Variants in MYO7B observed in about 807,000 individuals in gnomAD.
MYO7B encodes unconventional myosin-VIIb.
MYO7B carries 212 observed loss-of-function variants against 259.7 expected under a neutral mutation model. The ratio of observed to expected loss-of-function variants is 0.82; its 90% CI spans 0.73 to 0.91. MYO7B has a LOEUF of 0.91. Ranked by LOEUF, MYO7B falls within the 40% of genes least tolerant of loss-of-function variation. The pLI, the probability that MYO7B is intolerant of heterozygous loss-of-function variation, is 0.00. For synonymous variants in MYO7B, 1,197 were observed against 1,166.4 expected (o/e 1.03, Z -0.54); for missense variants, 2,732 against 2,813.5 (o/e 0.97, Z 0.66).
intron 15 of MYO7B, among the ~76,000 whole-genome samples, chr2:127,588,783 GT>G (rs1679409249): frequency 7.0e-6 from 1 of 142,610 alleles, no homozygotes. Context: ...TGGATGGGTG[GT>G]GGGTGGGTGG....
chr2:127,542,033 C>A (rs1693025541), intron 1 of MYO7B, among the ~76,000 whole-genome samples: 3 of 152,394 alleles, frequency 2.0e-5, no homozygotes, highest in African/African-American at 7.2e-5. Context: ...CATTCTTACC[C>A]TGGGCTTGCC....
At chr2:127,629,874 GTGGAGCAGTCC>G in intron 35 of MYO7B, 48 bp downstream of exon 35, 1 of 1,512,492 alleles carries the variant, frequency 6.6e-7, no homozygotes. Flanking sequence ...CGAGGTCAGG[GTGGAGCAGTCC>G]TGGGATGCCT....
rs111650987 is a variant in MYO7B at position 127,636,364 on chromosome 2, G to T, written c.6123+40G>T. The T allele has an allele frequency of 6.4e-7, 1 of 1,568,934 alleles. No individual in the cohort carries two copies. The highest frequency in any genetic ancestry group is 8.8e-7 in the Non-Finnish European group (1 of 1,140,950). ...ACGCCAGGGCCTCCTACCCAAGCAGGCTCCGCTCAGCCCAGCCCCAGCAGG... is the reference window on the plus strand; with the variant it reads ...ACGCCAGGGCCTCCTACCCAAGCAGTCTCCGCTCAGCCCAGCCCCAGCAGG... On this transcript the variant is annotated intron_variant, in intron 45 of 47. Coordinates refer to ENST00000409816, the MANE Select transcript of MYO7B (RefSeq NM_001393586.1). This position sits in a 1 kb window ranked among gnomAD's most constrained non-coding sequence, Gnocchi z 4.5.
chr2:127,612,912 G>T (rs1680441638), intron 26 of MYO7B, among the ~76,000 whole-genome samples: 1 of 152,154 alleles, frequency 6.6e-6, no homozygotes, highest in East Asian at 1.9e-4. Flanking sequence ...TACATTTTGT[G>T]CTTTATATAC....
In MYO7B at chr2:127,578,030, C is replaced by T; in HGVS notation, c.850-103C>T. 2.2e-6 allele frequency: 3 copies of T among 1,390,684 alleles called. 1 individual carries two copies. In the Admixed American group the frequency reaches 6.3e-5, roughly 29 times the overall value. The allele number at this position is 1,390,684 out of a possible 1,614,324, so 86.1% of individuals were successfully genotyped here. On this transcript the variant is annotated intron_variant, in intron 8 of 47. Transcript: ENST00000409816. Reference sequence around the variant, plus strand: ...TTTTTGAGCGTGGACCCTACGTGGTCCACCCATTGCCTATGAAGTGCAGTG... The same window carrying T: ...TTTTTGAGCGTGGACCCTACGTGGTTCACCCATTGCCTATGAAGTGCAGTG...
At chr2:127,543,754 T>TATATATA (rs199836485) in intron 1 of MYO7B, among the ~76,000 whole-genome samples, 1 of 148,568 alleles carries the variant, frequency 6.7e-6, no homozygotes, top group African/African-American at 2.5e-5. Flanking sequence ...ATATATATAT[T>TATATATA]TTTTTTTTGA....
Position 127,631,619 on chromosome 2 carries a change from C to T in MYO7B, c.5115C>T (p.Gly1705=), listed in dbSNP as rs746167642. The T allele has an allele frequency of 4.3e-6, 7 of 1,613,100 alleles. No homozygotes were observed. The highest frequency in any genetic ancestry group is 4.5e-5 in the East Asian group (2 of 44,882). ...CCACACCCATCCTCCGGTACATGGG[C>T]GACTACCCTTCTCGGCAGGCCTGGC... ...QIFVAILRYM[G]DYPSRQAWPT... The change falls in exon 38 of 48, where the codon GGC becomes GGT. Residue 1705 remains glycine, a synonymous_variant. Coordinates refer to ENST00000409816, the MANE Select transcript of MYO7B (RefSeq NM_001393586.1).
Position 127,627,470 on chromosome 2 carries a change from GC to G in MYO7B, c.4460+164del. 1.0e-6 allele frequency: 1 copy of G among 997,170 alleles called. No individual in the cohort carries two copies. Among genetic ancestry groups the G allele is most frequent in the Non-Finnish European group, 1.5e-6 (1 of 659,384 alleles). The allele number at this position is 997,170 out of a possible 1,614,324, so 61.8% of individuals were successfully genotyped here. ...TATGCGATGGCTTCTGTACTTCGGA[GC>G]CCCACCCTCCTGCACCAGGCCGTAC... On this transcript the variant is annotated intron_variant, in intron 33 of 47. Transcript: ENST00000409816. This position sits in a 1 kb window ranked among gnomAD's most constrained non-coding sequence, Gnocchi z 5.6.
intron 1 of MYO7B, among the ~76,000 whole-genome samples, chr2:127,552,676 CG>C (rs1693491116): frequency 6.6e-6 from 1 of 151,996 alleles, no homozygotes; most frequent in Admixed American, 6.6e-5. Flanking sequence ...GATGCTGCAG[CG>C]GGGAGGAGGG....
At chr2:127,593,426 G>A in intron 17 of MYO7B, 120 bp from the exon 18 acceptor site, 2 of 963,118 alleles carry the variant, frequency 2.1e-6, no homozygotes, top group Non-Finnish European at 3.1e-6. Context: ...GCCTGGGCGG[G>A]GGTGGGCGGC....
chr2:127,625,252 A>G, intron 30 of MYO7B, 116 bp from the exon 31 acceptor site: 1 of 1,259,686 alleles, frequency 7.9e-7, no homozygotes, highest in Non-Finnish European at 1.1e-6. Context: ...TGCCCGAGCC[A>G]CAGGTTAGCT....
intron 27 of MYO7B, among the ~76,000 whole-genome samples, chr2:127,620,849 C>G (rs188973287): frequency 1.8e-4 from 28 of 152,364 alleles, no homozygotes; most frequent in Admixed American, 8.5e-4. Context: ...GAAAATGGAG[C>G]TGGGTTGGCC....
chr2:127,550,971 G>T (rs1445687998), intron 1 of MYO7B, among the ~76,000 whole-genome samples: 1 of 149,452 alleles, frequency 6.7e-6, no homozygotes, highest in Non-Finnish European at 1.5e-5. Flanking sequence ...AGTTTTGGGG[G>T]TCAGAAATCT....
At chr2:127,631,787 C>T in intron 38 of MYO7B, 34 bp downstream of exon 38, 1 of 1,602,824 alleles carries the variant, frequency 6.2e-7, no homozygotes, top group Non-Finnish European at 8.5e-7. Context: ...CACGCGGGCA[C>T]CCTCAGTCCT....
Position 127,590,228 on chromosome 2 carries a change from T to C in MYO7B, c.1991T>C (p.Leu664Pro). Residue 664 changes from leucine (L) to proline (P), a missense_variant and splice_region_variant, in exon 16 of 48, where the codon CTG (leucine) becomes CCG (proline). By Grantham distance (98) the Leu-to-Pro change is moderately conservative. This residue lies in a region of MYO7B where 1,906 missense variants were observed against 2,026.4 expected (regional missense o/e 0.94). Coordinates refer to ENST00000409816, the MANE Select transcript of MYO7B (RefSeq NM_001393586.1). The surrounding 1 kb of genome is among the most constrained non-coding windows in gnomAD (Gnocchi z 4.6). ...CIKPNEYKKP[L>P]LFDRELCLRQ... is the part of the protein sequence containing the mutation. ...AAACCTAATGAGTACAAGAAGCCGC[T>C]GGTAATGACAGGAGGCTGGGGCACA... is the stretch of plus-strand genomic sequence containing the variant. The C allele has an allele frequency of 6.2e-7, 1 of 1,612,716 alleles. No homozygotes were observed. Among genetic ancestry groups the C allele is most frequent in the Non-Finnish European group, 8.5e-7 (1 of 1,179,730 alleles).
intron 38 of MYO7B, 99 bp downstream of exon 38, chr2:127,631,852 C>T (rs980909016): frequency 1.6e-5 from 23 of 1,431,202 alleles, no homozygotes; most frequent in African/African-American, 8.5e-5. Context: ...CAGCTGGTGG[C>T]GGCAGAACCC....
rs1460233067 is a variant in MYO7B at position 127,634,664 on chromosome 2, G to C, written c.5694G>C (p.Lys1898Asn). 6 of 1,612,548 alleles carry C rather than the reference G, an allele frequency of 3.7e-6. No homozygotes were observed. The highest frequency in any genetic ancestry group is 5.1e-6 in the Non-Finnish European group (6 of 1,179,300). Residue 1898 changes from lysine (K) to asparagine (N), a missense_variant, in exon 42 of 48, where the codon AAG (lysine) becomes AAC (asparagine). Transcript: ENST00000409816. The stretch of plus-strand genomic sequence containing the variant: ...GGGAGGTGTCTGACTGGGTGAAGAA[G>C]AACAAGCCCCAGAAAGAAGGTGAGG... ...SLREVSDWVK[K>N]NKPQKEGAPV...
At position 127,566,726 on chromosome 2, in the gene MYO7B, C is replaced by T. The variant is rs1678363744; in HGVS notation, c.369C>T (p.Tyr123=). 3 of 1,612,194 alleles carry T rather than the reference C, an allele frequency of 1.9e-6. No homozygotes were observed. Among genetic ancestry groups the T allele is most frequent in the Non-Finnish European group, 1.7e-6 (2 of 1,179,716 alleles). The change falls in exon 5 of 48, where the codon TAC becomes TAT. Residue 123 remains tyrosine, a synonymous_variant. Coordinates refer to ENST00000409816, the MANE Select transcript of MYO7B (RefSeq NM_001393586.1). ...LYTLEQVQLY[Y]SRHMGELPPH... is the part of the protein sequence containing the mutation. ...CCCTGGAGCAGGTACAGCTCTACTA[C>T]AGCCGCCATATGGGCGAGCTGCCCC...
Position 127,608,724 on chromosome 2 carries a change from C to G in MYO7B, c.2660C>G (p.Pro887Arg). The G allele has an allele frequency of 6.2e-7, 1 of 1,612,258 alleles. No individual in the cohort carries two copies. The highest frequency in any genetic ancestry group is 8.5e-7 in the Non-Finnish European group (1 of 1,179,066). ...GGTATGCAGGCGCCGCTGGTCATCC[C>G]GGCCGAGGGGCAGAAAAGCCAAGGC... is the stretch of plus-strand genomic sequence containing the variant. ...QRKANAPLVI[P>R]AEGQKSQGAL... Residue 887 changes from proline (P) to arginine (R), a missense_variant, in exon 22 of 48, where the codon CCG (proline) becomes CGG (arginine). Coordinates refer to ENST00000409816, the MANE Select transcript of MYO7B (RefSeq NM_001393586.1).
Sources: allele counts gnomAD v4.1 joint callset (sites outside exome capture counted in the v4.1 genomes callset), GRCh38; gene constraint gnomAD v4.1.1; regional missense constraint gnomAD v4.1.1; non-coding constraint Gnocchi (gnomAD v3.1); transcripts MANE v1.5; gene names NCBI Gene and HGNC (gene_info 2026-07-23, HGNC 2026-07-21).